ZNF385D: variants seen among roughly 807,000 people sequenced by gnomAD.
ZNF385D encodes zinc finger protein 659.
A neutral mutation model predicts 35.8 loss-of-function variants in ZNF385D; 15 were observed. The observed-to-expected ratio is 0.42, with a 90% CI of 0.28 to 0.64. The LOEUF (loss-of-function observed/expected upper bound fraction) is 0.64, where lower values mean the gene tolerates loss of function less well. ZNF385D is among the 30% of genes least tolerant of loss of function. ZNF385D has a pLI of 0.23. For missense variants in ZNF385D, 474 were observed against 494.6 expected (o/e 0.96, Z 0.39); for synonymous variants, 212 against 186.8 (o/e 1.13, Z -1.10).
chr3:22,050,192 T>C (rs554735548), intron 3 of ZNF385D, among the ~76,000 whole-genome samples: 126 of 150,170 alleles, frequency 8.4e-4, no homozygotes, highest in African/African-American at 3.0e-3. Flanking sequence ...AAAGGAAGAT[T>C]GGGTTTAAAA....
intron 3 of ZNF385D, among the ~76,000 whole-genome samples, chr3:21,881,542 C>A (rs1005692789): frequency 3.3e-5 from 5 of 151,920 alleles, no homozygotes; most frequent in Non-Finnish European, 5.9e-5. Context: ...TACTGGCCAC[C>A]CAAGAGCTTT....
intron 3 of ZNF385D, among the ~76,000 whole-genome samples, chr3:21,997,627 G>A (rs567182223): frequency 5.0e-4 from 76 of 151,700 alleles, no homozygotes; most frequent in Middle Eastern, 3.4e-3. Context: ...GAGTGTAAGT[G>A]TTTCATGTGT....
intron 3 of ZNF385D, among the ~76,000 whole-genome samples, chr3:21,911,430 C>T (rs1197827969): frequency 6.6e-6 from 1 of 151,874 alleles, no homozygotes; most frequent in African/African-American, 2.4e-5. Flanking sequence ...GAGAAATGAG[C>T]TCATATTCTT....
At chr3:21,635,145 T>A (rs534383675) in intron 2 of ZNF385D, among the ~76,000 whole-genome samples, 1 of 152,208 alleles carries the variant, frequency 6.6e-6, no homozygotes, top group African/African-American at 2.4e-5. Flanking sequence ...ATATTAAGCA[T>A]TTACTTTGAA....
intron 2 of ZNF385D, among the ~76,000 whole-genome samples, chr3:22,252,047 C>A (rs907533076): frequency 6.6e-6 from 1 of 151,992 alleles, no homozygotes; most frequent in Admixed American, 6.6e-5. Context: ...TAATTCAAAT[C>A]GATACATAAG....
intron 2 of ZNF385D, among the ~76,000 whole-genome samples, chr3:21,609,207 G>A (rs1057035904): frequency 1.3e-5 from 2 of 152,150 alleles, no homozygotes; most frequent in Admixed American, 6.5e-5. Context: ...CTACTGGCCC[G>A]CAGAGGGATT....
intron 2 of ZNF385D, among the ~76,000 whole-genome samples, chr3:22,333,844 G>A (rs1033645986): frequency 1.3e-5 from 2 of 152,164 alleles, no homozygotes; most frequent in African/African-American, 2.4e-5. Context: ...ATACCAGAGA[G>A]AGAAATAGGC....
chr3:21,629,526 G>A (rs2065223283), intron 2 of ZNF385D, among the ~76,000 whole-genome samples: 1 of 152,110 alleles, frequency 6.6e-6, no homozygotes. Context: ...CAAGTAATGG[G>A]AACTGCTGTC....
intron 4 of ZNF385D, among the ~76,000 whole-genome samples, chr3:21,453,945 A>G (rs185979128): frequency 6.6e-6 from 1 of 152,256 alleles, no homozygotes; most frequent in East Asian, 1.9e-4. Context: ...GTCAAAAGGT[A>G]GTAACAACCC....
intron 1 of ZNF385D, among the ~76,000 whole-genome samples, chr3:21,732,991 T>C (rs1257405162): frequency 1.3e-5 from 2 of 152,196 alleles, no homozygotes; most frequent in African/African-American, 2.4e-5. Context: ...GATTTTCTTC[T>C]ATGTTATTTT....
At chr3:21,831,758 T>G (rs1414669813) in intron 3 of ZNF385D, among the ~76,000 whole-genome samples, 1 of 152,158 alleles carries the variant, frequency 6.6e-6, no homozygotes, top group Non-Finnish European at 1.5e-5. Context: ...CACAGTTGAC[T>G]GGGGCCAGAC....
At chr3:21,535,625 T>C (rs1255211479) in intron 3 of ZNF385D, among the ~76,000 whole-genome samples, 1 of 151,816 alleles carries the variant, frequency 6.6e-6, no homozygotes, top group African/African-American at 2.4e-5. Flanking sequence ...AAAAGGAAAA[T>C]ATATCCACTT....
intron 5 of ZNF385D, among the ~76,000 whole-genome samples, chr3:21,429,998 G>A (rs1952652573): frequency 6.6e-6 from 1 of 151,990 alleles, no homozygotes; most frequent in South Asian, 2.1e-4. Context: ...ACTAAGGAAG[G>A]AAAGCTCTCT....
intron 2 of ZNF385D, among the ~76,000 whole-genome samples, chr3:22,293,445 A>G (rs1702407365): frequency 6.6e-6 from 1 of 151,832 alleles, no homozygotes. Context: ...TAAACCTGGT[A>G]CTCTTCCCTA....
At chr3:21,732,369 T>G (rs1299955769) in intron 1 of ZNF385D, among the ~76,000 whole-genome samples, 2 of 152,076 alleles carry the variant, frequency 1.3e-5, no homozygotes, top group Non-Finnish European at 2.9e-5. Context: ...GGTTTTGGTG[T>G]AGACTCAAGT....
At chr3:22,306,753 A>G (rs1224202494) in intron 2 of ZNF385D, among the ~76,000 whole-genome samples, 4 of 152,110 alleles carry the variant, frequency 2.6e-5, no homozygotes, top group African/African-American at 4.8e-5. Context: ...CTGGGTATGG[A>G]GTAAGGGAGG....
rs559198919 is a variant in ZNF385D at position 22,293,880 on chromosome 3, A to G, written c.106+78570T>C. Among the ~76,000 whole-genome samples, 15 of 152,256 alleles carry G rather than the reference A, an allele frequency of 9.9e-5. No individual in the cohort carries two copies. The South Asian group carries it at 1.9e-3, about 19-fold the overall frequency. On this transcript the variant is annotated intron_variant, in intron 2 of 5. Transcript: ENST00000494108. ...CCTCCAGGTAATTTTCATGAATGCT[A>G]AAGTTTACAAGCACTGGTCTTAGGG...
In ZNF385D at chr3:21,475,464, C is replaced by T. The variant is rs1036217596; in HGVS notation, c.439+35397G>A. On this transcript the variant is annotated intron_variant, in intron 4 of 7. Coordinates refer to ENST00000281523, the MANE Select transcript of ZNF385D (RefSeq NM_024697.3). ...TTTTGTTTTGAGAAATTTTGGGATT[C>T]GATATACATTTTAAAATTTTTCAAA... Among the ~76,000 whole-genome samples the T allele has an allele frequency of 1.3e-4, 20 of 151,922 alleles. No homozygotes were observed. The Middle Eastern group carries it at 0.01, about 78-fold the overall frequency.
At chr3:21,811,031 T>C (rs941749421) in intron 3 of ZNF385D, among the ~76,000 whole-genome samples, 1 of 151,030 alleles carries the variant, frequency 6.6e-6, no homozygotes, top group Admixed American at 6.6e-5. Flanking sequence ...AAGTAATTAA[T>C]GTAATTAATG....
Sources: allele counts gnomAD v4.1 joint callset (sites outside exome capture counted in the v4.1 genomes callset), GRCh38; gene constraint gnomAD v4.1.1; transcripts MANE v1.5; gene names NCBI Gene and HGNC (gene_info 2026-07-23, HGNC 2026-07-21).